Variants in C1QTNF12 observed in about 807,000 individuals in gnomAD.
C1QTNF12 encodes the protein C1q and TNF related 12, also known as adipolin.
In C1QTNF12, 39 loss-of-function variants were observed where a neutral mutation model predicts 34.3. The ratio of observed to expected loss-of-function variants is 1.14; its 90% confidence interval spans 0.88 to 1.49. The LOEUF (loss-of-function observed/expected upper bound fraction) is 1.49, where lower values mean the gene tolerates loss of function less well. Among genes scored for constraint, C1QTNF12 ranks in the 40% most tolerant of loss-of-function variants. The pLI is 0.00. For missense variants in C1QTNF12, 497 were observed against 424.7 expected (o/e 1.17, Z -1.50); for synonymous variants, 220 against 196.9 (o/e 1.12, Z -0.98).
intron 4 of C1QTNF12, 21 bp downstream of exon 4, chr1:1,243,933 T>A (rs1433051759): frequency 3.1e-6 from 5 of 1,597,674 alleles, no homozygotes; most frequent in Non-Finnish European, 4.3e-6. Context: ...CACCCCGCTC[T>A]AAGCTCCCGG....
intron 4 of C1QTNF12, 43 bp from the exon 5 acceptor site, chr1:1,243,595 C>G (rs1209265191): frequency 5.4e-6 from 8 of 1,489,158 alleles, no homozygotes; most frequent in South Asian, 2.4e-5. Context: ...GGGCCTGGCC[C>G]CCACCCCACA....
At chr1:1,244,305 C>G (rs1406743264) in intron 2 of C1QTNF12, 30 bp from the exon 3 acceptor site, 8 of 1,591,478 alleles carry the variant, frequency 5.0e-6, no homozygotes, top group Middle Eastern at 1.7e-4. Context: ...GGTGAGGGGC[C>G]CAGTGGGACC....
Position 1,242,838 on chromosome 1 carries a change from C to T in C1QTNF12, c.807G>A (p.Leu269=). The change falls in exon 7 of 8, where the codon CTG becomes CTA. Residue 269 remains leucine (L), a synonymous_variant. Coordinates refer to ENST00000330388, the MANE Select transcript of C1QTNF12 (RefSeq NM_001014980.3). ...FTLQVQGLLQ[L]QAGQYASVFV... ...CTCACACCCGGCCCGGACTCACCTG[C>T]AGCTGCAGCAGCCCCTGCACCTGTA... 3 of 1,612,276 alleles carry T rather than the reference C, an allele frequency of 1.9e-6. No individual in the cohort carries two copies. Among genetic ancestry groups the T allele is most frequent in the Non-Finnish European group, 1.7e-6 (2 of 1,179,676 alleles).
rs1428358711 is a variant in C1QTNF12, at chr1:1,246,382, C to T, written c.177+132G>A. 3 of 716,180 alleles carry T rather than the reference C, an allele frequency of 4.2e-6. No individual in the cohort carries two copies. The highest frequency in any genetic ancestry group is 3.9e-6 in the Non-Finnish European group (2 of 518,866). The allele number at this position is 716,180 out of a possible 1,614,324, so 44.4% of individuals were successfully genotyped here. ...GCTGCAGCAGATTCTCAAGGCGGGA[C>T]CGTGGCCGAGGCCTCGAAAAGGGCG... On this transcript the variant is annotated intron_variant, in intron 1 of 7. Coordinates refer to ENST00000330388, the MANE Select transcript of C1QTNF12 (RefSeq NM_001014980.3). This position sits in a 1 kb window ranked among gnomAD's most constrained non-coding sequence, Gnocchi z 4.5.
intron 1 of C1QTNF12, among the ~76,000 whole-genome samples, chr1:1,245,635 G>C (rs1638874487): frequency 6.6e-6 from 1 of 152,042 alleles, no homozygotes; most frequent in Non-Finnish European, 1.5e-5. Context: ...AGCACTGCCA[G>C]CCTGGCCCTA....
At chr1:1,243,871 T>C in intron 4 of C1QTNF12, 83 bp downstream of exon 4, 2 of 736,598 alleles carry the variant, frequency 2.7e-6, no homozygotes, top group Non-Finnish European at 4.2e-6. Flanking sequence ...TGCTGCCCCA[T>C]GAGTGTCAGG....
intron 4 of C1QTNF12, 109 bp from the exon 5 acceptor site, chr1:1,243,661 C>T (rs1638802697): frequency 1.0e-6 from 1 of 959,574 alleles, no homozygotes; most frequent in Non-Finnish European, 1.6e-6. Context: ...GAGCAGCTCT[C>T]CCGGGACCCT....
intron 1 of C1QTNF12, among the ~76,000 whole-genome samples, chr1:1,245,643 C>G (rs1638874698): frequency 6.6e-6 from 1 of 152,084 alleles, no homozygotes; most frequent in Admixed American, 6.5e-5. Context: ...CAGCCTGGCC[C>G]TAGCGCCGGG....
Position 1,244,006 on chromosome 1 carries a change from C to G in C1QTNF12, c.479G>C (p.Gly160Ala). 6.2e-7 allele frequency: 1 copy of G among 1,603,804 alleles called. No homozygotes were observed. Among genetic ancestry groups the G allele is most frequent in the South Asian group, 1.1e-5 (1 of 89,960 alleles). ...CGTCCGCTTGTCCACCCGGCGGGGA[C>G]CCTGCAGCCGGCAGTGAAAGGCCTC... ...VGEAFHCRLQ[G>A]PRRVDKRTLV... Residue 160 changes from glycine to alanine, a missense_variant, in exon 4 of 8, where the codon GGT becomes GCT. Gly to Ala is a moderately conservative substitution (Grantham distance 60). Coordinates refer to ENST00000330388, the MANE Select transcript of C1QTNF12 (RefSeq NM_001014980.3).
chr1:1,244,313 AC>A lies in C1QTNF12; in HGVS notation c.295-39del. On this transcript the variant is annotated intron_variant, in intron 2 of 7. Transcript: ENST00000330388. ...AGAAGCAGGTGAGGGGCCCAGTGGG[AC>A]CCGGTGGGAGCTACCACCACACCCT... is the stretch of plus-strand genomic sequence containing the variant. 1.9e-6 allele frequency: 3 copies of A among 1,587,344 alleles called. No homozygotes were observed. In the South Asian group the frequency reaches 3.3e-5, roughly 18 times the overall value.
At chr1:1,243,260 G>A in intron 5 of C1QTNF12, 108 bp from the exon 6 acceptor site, 2 of 1,060,308 alleles carry the variant, frequency 1.9e-6, no homozygotes, top group East Asian at 5.2e-5. Context: ...TGGCTGCTGG[G>A]GCTGGGGAGG....
chr1:1,244,414 T>G lies in C1QTNF12; in HGVS notation c.261A>C (p.Leu87Phe). The G allele has an allele frequency of 1.2e-6, 2 of 1,611,752 alleles. No individual in the cohort carries two copies. Among genetic ancestry groups the G allele is most frequent in the South Asian group, 1.1e-5 (1 of 91,068 alleles). Residue 87 changes from leucine to phenylalanine, a missense_variant, in exon 2 of 8, where the codon TTA (leucine) becomes TTC (phenylalanine). Leu to Phe is a conservative substitution (Grantham distance 22, BLOSUM62 0). Coordinates refer to ENST00000330388, the MANE Select transcript of C1QTNF12 (RefSeq NM_001014980.3). ...TGTCCCTGCTTCCGCACCGCTTCCT[T>G]AAGGCGCCGTCGTCCGGCCGCCGGA... Reference protein sequence around the residue: ...NFVRRPDDGALRKRCGSRDKK... With the variant: ...NFVRRPDDGAFRKRCGSRDKK...
At position 1,243,463 on chromosome 1, in the gene C1QTNF12, G is replaced by A. The variant is rs1391587611; in HGVS notation, c.621C>T (p.Phe207=). The change falls in exon 5 of 8, where the codon TTC becomes TTT. Residue 207 remains phenylalanine, a synonymous_variant. Transcript: ENST00000330388. ...GCTCACCCACGTGCAGACTGGCAGA[G>A]AACTGGAAGATGCCGGACACGGGGG... The part of the protein sequence containing the change: ...FTAPVSGIFQ[F]SASLHVDHSE... 9 of 1,557,770 alleles carry A rather than the reference G, an allele frequency of 5.8e-6. No individual in the cohort carries two copies. The highest frequency in any genetic ancestry group is 7.8e-6 in the Non-Finnish European group (9 of 1,150,924).
At chr1:1,243,829 C>G in intron 4 of C1QTNF12, 125 bp downstream of exon 4, 1 of 1,307,952 alleles carries the variant, frequency 7.6e-7, no homozygotes, top group Non-Finnish European at 1.0e-6. Flanking sequence ...GCCCCTCGCC[C>G]TCCGAGCCCC....
At chr1:1,246,816 A>T, upstream of C1QTNF12, 1 of 664,936 alleles carries the variant, frequency 1.5e-6, no homozygotes, top group Non-Finnish European at 2.0e-6. The surrounding 1 kb of genome is among the most constrained non-coding windows in gnomAD (Gnocchi z 4.5). Context: ...CCGCCGCTGC[A>T]TGTCTGCGCG....
chr1:1,247,271 C>G (rs1051333886), upstream of C1QTNF12, among the ~76,000 whole-genome samples: 1 of 152,228 alleles, frequency 6.6e-6, no homozygotes, highest in African/African-American at 2.4e-5. Flanking sequence ...GCCCCAGCCC[C>G]TTCCCACGAC....
At chr1:1,247,089 C>T (rs932344627), upstream of C1QTNF12, among the ~76,000 whole-genome samples, 2 of 152,288 alleles carry the variant, frequency 1.3e-5, no homozygotes. Flanking sequence ...TCTTGCCTCC[C>T]GTCCCCAGAC....
Position 1,242,869 on chromosome 1 carries a change from A to G in C1QTNF12, c.776T>C (p.Phe259Ser). 1 of 1,612,436 alleles carries G rather than the reference A, an allele frequency of 6.2e-7. No individual in the cohort carries two copies. The highest frequency in any genetic ancestry group is 8.5e-7 in the Non-Finnish European group (1 of 1,179,778). ...VSGLESNSRV[F>S]TLQVQGLLQL... ...CAGCAGCCCCTGCACCTGTAGCGTGAAGACCCTGCTGTTGCTCTCCAGGCC... is the reference window on the plus strand; with the variant it reads ...CAGCAGCCCCTGCACCTGTAGCGTGGAGACCCTGCTGTTGCTCTCCAGGCC... The change falls in exon 7 of 8, where the codon TTC (phenylalanine) becomes TCC (serine). Residue 259 changes from phenylalanine (F) to serine (S), a missense_variant. Coordinates refer to ENST00000330388, the MANE Select transcript of C1QTNF12 (RefSeq NM_001014980.3).
chr1:1,243,560 G>T lies in C1QTNF12; in HGVS notation c.532-8C>A. The T allele has an allele frequency of 6.5e-7, 1 of 1,548,654 alleles. No homozygotes were observed. Among genetic ancestry groups the T allele is most frequent in the Non-Finnish European group, 8.7e-7 (1 of 1,145,562 alleles). On this transcript the variant is annotated splice_polypyrimidine_tract_variant and splice_region_variant and intron_variant, in intron 4 of 7. Coordinates refer to ENST00000330388, the MANE Select transcript of C1QTNF12 (RefSeq NM_001014980.3). Reference sequence around the variant, plus strand: ...GGCACCTTGGGCAGCAGGCTGTGAGGGGCAGTGGGTGAGCGGCCAGCGCAG... The same window carrying T: ...GGCACCTTGGGCAGCAGGCTGTGAGTGGCAGTGGGTGAGCGGCCAGCGCAG...
Sources: gnomAD v4.1 joint callset for allele counts (sites outside exome capture counted in the v4.1 genomes callset) on GRCh38, gnomAD v4.1.1 for gene constraint, Gnocchi (gnomAD v3.1) non-coding constraint, MANE v1.5 for transcripts, NCBI Gene and HGNC (gene_info 2026-07-23, HGNC 2026-07-21) for gene names.